Variants in MARK4 observed in about 807,000 individuals in gnomAD.
The protein encoded by MARK4 is MAP/microtubule affinity-regulating kinase 4.
MARK4 carries 19 observed loss-of-function variants against 81.5 expected under a neutral mutation model. The observed-to-expected ratio is 0.23, with a 90% CI of 0.16 to 0.34. The LOEUF (loss-of-function observed/expected upper bound fraction) is 0.34. Among genes scored for constraint, MARK4 ranks in the 10% least tolerant of loss-of-function variants. The probability of loss-of-function intolerance (pLI) is 1.00; values close to 1 mark genes in which losing one functional copy is unlikely to be tolerated. For missense variants in MARK4, 772 were observed against 1,058.8 expected (o/e 0.73, Z 3.76); for synonymous variants, 436 against 439.0 (o/e 0.99, Z 0.08).
chr19:45,300,262 T>G (rs925929162), intron 16 of MARK4, among the ~76,000 whole-genome samples: 1 of 141,162 alleles, frequency 7.1e-6, no homozygotes, highest in Non-Finnish European at 1.5e-5. Flanking sequence ...GGAGAATCGC[T>G]TGAACCCGGG....
chr19:45,281,935 G>A (rs10401753), intron 12 of MARK4, among the ~76,000 whole-genome samples: 3,445 of 152,166 alleles, frequency 0.023, 126 homozygotes, highest in African/African-American at 0.08. Context: ...TACAGAGTCT[G>A]AGTTTAAATC....
intron 10 of MARK4, 149 bp from the exon 11 acceptor site, chr19:45,280,225 T>C (rs543221594): frequency 4.4e-6 from 3 of 675,780 alleles, no homozygotes; most frequent in Admixed American, 4.9e-5. Flanking sequence ...CAGCAGAGCC[T>C]GGGGAGGCCG....
chr19:45,264,918 C>T lies in MARK4; in HGVS notation c.492+8C>T. On this transcript the variant is annotated splice_region_variant and intron_variant, in intron 6 of 16. Coordinates refer to ENST00000262891, the MANE Select transcript of MARK4 (RefSeq NM_001199867.2). ...CGAGCCAAGTTCCGACAGGTTGGGG[C>T]AGGGCTGAGGGTGGGGCTGACTGGG... 4 of 1,613,942 alleles carry T rather than the reference C, an allele frequency of 2.5e-6. No homozygotes were observed. Among genetic ancestry groups the T allele is most frequent in the Non-Finnish European group, 3.4e-6 (4 of 1,179,892 alleles).
chr19:45,264,605 C>A, intron 4 of MARK4, 79 bp from the exon 5 acceptor site: 1 of 1,378,060 alleles, frequency 7.3e-7, no homozygotes, highest in South Asian at 1.2e-5. Context: ...TTATGGTTGG[C>A]ACATTTGCAT....
At chr19:45,281,798 G>A (rs984401145) in intron 12 of MARK4, among the ~76,000 whole-genome samples, 1 of 152,214 alleles carries the variant, frequency 6.6e-6, no homozygotes, top group African/African-American at 2.4e-5. Flanking sequence ...AGTGGCTGCT[G>A]AGAGTCTGCC....
intron 7 of MARK4, 136 bp downstream of exon 7, chr19:45,266,417 A>G: frequency 1.3e-6 from 1 of 798,972 alleles, no homozygotes; most frequent in South Asian, 1.5e-5. Context: ...TTCCCTCCAC[A>G]CCCAGCACCC....
chr19:45,269,456 G>A (rs910367429), intron 7 of MARK4, among the ~76,000 whole-genome samples: 1 of 152,204 alleles, frequency 6.6e-6, no homozygotes. Context: ...GAGCTCTGTG[G>A]TGTGTCTTTG....
At chr19:45,301,875 AAAAAAAAGAAAAGG>A (rs1970979137) in intron 16 of MARK4, among the ~76,000 whole-genome samples, 1 of 151,486 alleles carries the variant, frequency 6.6e-6, no homozygotes, top group Admixed American at 6.6e-5. Context: ...CAAAAAAAAA[AAAAAAAAGAAAAGG>A]AAAAAGAAAT....
At chr19:45,301,199 C>T (rs369605473) in intron 16 of MARK4, among the ~76,000 whole-genome samples, 1 of 152,176 alleles carries the variant, frequency 6.6e-6, no homozygotes, top group East Asian at 1.9e-4. Flanking sequence ...AGGAGGATCA[C>T]TTGAGCCCAG....
At chr19:45,261,289 G>T (rs1313150021) in intron 2 of MARK4, among the ~76,000 whole-genome samples, 1 of 152,116 alleles carries the variant, frequency 6.6e-6, no homozygotes, top group African/African-American at 2.4e-5. Flanking sequence ...GTGAACATAG[G>T]TATAAAAATC....
At chr19:45,289,725 A>G (rs556536001) in intron 13 of MARK4, among the ~76,000 whole-genome samples, 2 of 150,910 alleles carry the variant, frequency 1.3e-5, no homozygotes, top group East Asian at 2.0e-4. Flanking sequence ...AGCCGAGATC[A>G]CGCCACTGCA....
At chr19:45,255,559 CA>C (rs34066317) in intron 1 of MARK4, among the ~76,000 whole-genome samples, 4,228 of 90,080 alleles carry the variant, frequency 0.047, 67 homozygotes, top group African/African-American at 0.14. Flanking sequence ...GAAACTCTGC[CA>C]AAAAAAAAAA....
At chr19:45,263,237 C>T (rs1970403375) in intron 3 of MARK4, 71 bp downstream of exon 3, 3 of 1,613,486 alleles carry the variant, frequency 1.9e-6, no homozygotes, top group Non-Finnish European at 2.5e-6. Context: ...CCTGACCCTT[C>T]CTGCGGGGGC....
At chr19:45,296,838 TGAG>T (rs1487728928) in intron 14 of MARK4, among the ~76,000 whole-genome samples, 1 of 151,918 alleles carries the variant, frequency 6.6e-6, no homozygotes, top group Non-Finnish European at 1.5e-5. Flanking sequence ...TCACCTGAGG[TGAG>T]GAGTTTGAGA....
chr19:45,283,143 C>T (rs900637460), intron 12 of MARK4, among the ~76,000 whole-genome samples: 6 of 152,064 alleles, frequency 3.9e-5, no homozygotes, highest in African/African-American at 1.4e-4. Context: ...GGCATGGTGG[C>T]TCATGCCCGT....
chr19:45,278,702 CAAGA>C, intron 10 of MARK4, 87 bp downstream of exon 10: 2 of 1,016,266 alleles, frequency 2.0e-6, no homozygotes, highest in Non-Finnish European at 3.0e-6. Flanking sequence ...CTCCCAGAAT[CAAGA>C]GATTCTTGTG....
chr19:45,252,577 C>A (rs773369500), intron 1 of MARK4, among the ~76,000 whole-genome samples: 4 of 152,058 alleles, frequency 2.6e-5, no homozygotes, highest in Non-Finnish European at 5.9e-5. Context: ...GGGCCTCCCC[C>A]TTCCTTGCTG....
chr19:45,280,176 C>T (rs1970652432), intron 10 of MARK4, 198 bp from the exon 11 acceptor site: 1 of 544,174 alleles, frequency 1.8e-6, no homozygotes, highest in Non-Finnish European at 3.3e-6. Context: ...TAGCAAAACC[C>T]TGTCTCTACT....
chr19:45,262,311 C>G (rs1160811605), intron 2 of MARK4, among the ~76,000 whole-genome samples: 1 of 122,460 alleles, frequency 8.2e-6, no homozygotes, highest in Non-Finnish European at 1.5e-5. Flanking sequence ...GTACTCTAGC[C>G]TGGGAGACAC....
Sources: gnomAD v4.1 joint callset for allele counts (sites outside exome capture counted in the v4.1 genomes callset) on GRCh38, gnomAD v4.1.1 for gene constraint, MANE v1.5 for transcripts, NCBI Gene and HGNC (gene_info 2026-07-23, HGNC 2026-07-21) for gene names.